Variants in MARVELD3 observed in about 807,000 individuals in gnomAD.
The protein encoded by MARVELD3 is MARVEL domain containing 3.
In MARVELD3, 28 loss-of-function variants were observed where a neutral mutation model predicts 33.5. The ratio of observed to expected loss-of-function variants is 0.84; its 90% CI spans 0.62 to 1.15. MARVELD3 has a LOEUF of 1.15. Among genes scored for constraint, MARVELD3 ranks in the 50% most tolerant of loss-of-function variants. The pLI, the probability that MARVELD3 is intolerant of heterozygous loss-of-function variation, is 0.00. For missense variants in MARVELD3, 582 were observed against 547.6 expected (o/e 1.06, Z -0.63); for synonymous variants, 241 against 230.4 (o/e 1.05, Z -0.42).
chr16:71,640,861 C>T (rs779139024), downstream of MARVELD3: 1 of 1,614,154 alleles, frequency 6.2e-7, no homozygotes. Context: ...CTGGCAGGCA[C>T]CGACGGAGCA....
Position 71,631,993 on chromosome 16 carries a change from T to A in MARVELD3, c.596-2200T>A, listed in dbSNP as rs150204396. Among the ~76,000 whole-genome samples the A allele has an allele frequency of 1.0e-3, 159 of 152,290 alleles. 1 individual carries two copies. Among genetic ancestry groups the A allele is most frequent in the Middle Eastern group, 3.4e-3 (1 of 294 alleles). ...TTGACAGGCCGACGTTGGCAGCATG[T>A]ACAATTTCCAGCTCAGCAGCACCCA... On this transcript the variant is annotated intron_variant, in intron 2 of 2. Transcript: ENST00000268485.
intron 1 of MARVELD3, among the ~76,000 whole-genome samples, chr16:71,628,445 G>C (rs1331729896): frequency 1.3e-5 from 2 of 152,062 alleles, no homozygotes; most frequent in African/African-American, 2.4e-5. Context: ...GCTGAGGTGG[G>C]AGGACTGCTT....
At chr16:71,640,337 C>A (rs2044607911), downstream of MARVELD3, 1 of 1,585,598 alleles carries the variant, frequency 6.3e-7, no homozygotes, top group Non-Finnish European at 8.6e-7. Context: ...ATGTCTCTGG[C>A]TTGGCCTGGG....
chr16:71,641,138 T>C (rs553658133), downstream of MARVELD3: 3 of 1,346,752 alleles, frequency 2.2e-6, no homozygotes, highest in Admixed American at 7.6e-5. Flanking sequence ...TTATAAATGC[T>C]CTCTTTGGAC....
At chr16:71,633,890 G>C (rs2044556314) in intron 2 of MARVELD3, among the ~76,000 whole-genome samples, 1 of 151,938 alleles carries the variant, frequency 6.6e-6, no homozygotes, top group Non-Finnish European at 1.5e-5. Flanking sequence ...TTCCATCCAG[G>C]ATGGCTTTGT....
In MARVELD3 at chr16:71,634,487, G is replaced by A. The variant is rs758043661; in HGVS notation, c.890G>A (p.Trp297Ter). 7 of 1,614,062 alleles carry A rather than the reference G, an allele frequency of 4.3e-6. No homozygotes were observed. Among genetic ancestry groups the A allele is most frequent in the Non-Finnish European group, 5.9e-6 (7 of 1,180,046 alleles). ...GCCATGGGTGTCCTGCGGGTCCCGT[G>A]GCATTGTCCACTGTTGCTGGTGACC... ...FVAMGVLRVP[W>*]HCPLLLVTEG... The change falls in exon 3 of 3, where the codon TGG becomes TAG. Residue 297 changes from tryptophan to a stop codon, truncating the protein, a stop_gained. Coordinates refer to ENST00000268485, the MANE Select transcript of MARVELD3 (RefSeq NM_052858.6). LOFTEE classifies it high-confidence loss of function.
downstream of MARVELD3, chr16:71,640,273 A>C: frequency 7.8e-7 from 1 of 1,285,042 alleles, no homozygotes; most frequent in Non-Finnish European, 1.1e-6. Flanking sequence ...TCAAAAAAAA[A>C]AAAAAAAGTT....
chr16:71,637,963 T>C (rs2044592504), downstream of MARVELD3: 1 of 152,164 alleles, frequency 6.6e-6, no homozygotes, highest in South Asian at 2.1e-4. Context: ...GGGTGAAGAT[T>C]GGCAGACTTA....
downstream of MARVELD3, chr16:71,638,768 T>C (rs1479177511): frequency 6.6e-6 from 1 of 152,172 alleles, no homozygotes; most frequent in East Asian, 1.9e-4. Flanking sequence ...CAGAGCTCAT[T>C]TAGGTTTCCC....
At position 71,635,076 on chromosome 16, in the gene MARVELD3, C is replaced by G. The variant is rs2044570638; in HGVS notation, c.*273C>G. The stretch of plus-strand genomic sequence containing the variant: ...GCCTCGGCGGCTCACACCTGTAACC[C>G]CAGCACTTTGGGAGGCTGAGGTGGG... On this transcript the variant is annotated 3_prime_UTR_variant, in exon 3 of 3. Transcript: ENST00000268485. 3.7e-6 allele frequency: 4 copies of G among 1,090,128 alleles called. No homozygotes were observed. In the African/African-American group the frequency reaches 4.9e-5, roughly 13 times the overall value. 67.5% of individuals were successfully genotyped at this position (1,090,128 alleles called of 1,614,324 possible).
Position 71,635,829 on chromosome 16 carries a change from T to G in MARVELD3, c.*1026T>G, listed in dbSNP as rs938457775. On this transcript the variant is annotated 3_prime_UTR_variant, in exon 3 of 3. Coordinates refer to ENST00000268485, the MANE Select transcript of MARVELD3 (RefSeq NM_052858.6). ...ATTGAAGTTGGAGGTAGGCGTGGGC[T>G]GAGGAAAGAGGAATCAGATTAATTC... 1.0e-6 allele frequency: 1 copy of G among 985,408 alleles called. No homozygotes were observed. Among genetic ancestry groups the G allele is most frequent in the East Asian group, 1.1e-4 (1 of 8,808 alleles). 61.0% of individuals were successfully genotyped at this position (985,408 alleles called of 1,614,324 possible).
downstream of MARVELD3, chr16:71,640,823 C>G: frequency 1.9e-6 from 3 of 1,614,234 alleles, no homozygotes; most frequent in South Asian, 1.1e-5. Flanking sequence ...TCTATGCCCG[C>G]AAGGGTCTCA....
intron 2 of MARVELD3, among the ~76,000 whole-genome samples, chr16:71,630,262 C>T (rs2044520144): frequency 6.6e-6 from 1 of 151,286 alleles, no homozygotes; most frequent in Admixed American, 6.6e-5. Context: ...GCAGAGATCA[C>T]GTCACTGCAC....
At chr16:71,641,373 A>G (rs2145291441), downstream of MARVELD3, 1 of 208,872 alleles carries the variant, frequency 4.8e-6, no homozygotes, top group South Asian at 8.6e-5. Flanking sequence ...AGATCACCTG[A>G]GGTCAGGTGT....
At chr16:71,632,934 C>T (rs1319109539) in intron 2 of MARVELD3, among the ~76,000 whole-genome samples, 1 of 152,034 alleles carries the variant, frequency 6.6e-6, no homozygotes, top group South Asian at 2.1e-4. Context: ...TTCTAATACA[C>T]GAACCACAGT....
Position 71,634,395 on chromosome 16 carries a change from G to C in MARVELD3, c.798G>C (p.Lys266Asn), listed in dbSNP as rs2145281110. 1 of 1,614,220 alleles carries C rather than the reference G, an allele frequency of 6.2e-7. No homozygotes were observed. The highest frequency in any genetic ancestry group is 8.5e-7 in the Non-Finnish European group (1 of 1,180,040). The change falls in exon 3 of 3, where the codon AAG (lysine) becomes AAC (asparagine). Residue 266 changes from lysine (K) to asparagine (N), a missense_variant. Transcript: ENST00000268485. ...QQLDVQFYQL[K>N]LPMVTVAMAC... is the part of the protein sequence containing the mutation. ...TGGATGTCCAGTTCTACCAGCTAAA[G>C]CTGCCCATGGTCACTGTGGCAATGG... is the stretch of plus-strand genomic sequence containing the variant.
chr16:71,641,683 AGGT>A (rs1171157147), exon 3 of MARVELD3: 1 of 152,126 alleles, frequency 6.6e-6, no homozygotes, highest in African/African-American at 2.4e-5. Context: ...TGGGAGGCAG[AGGT>A]TGCAGTGAGC....
At chr16:71,638,105 C>T (rs1320638744), downstream of MARVELD3, 1 of 152,158 alleles carries the variant, frequency 6.6e-6, no homozygotes, top group Non-Finnish European at 1.5e-5. Flanking sequence ...TCATGCTCAT[C>T]CCTGAACACC....
chr16:71,633,588 TA>T (rs2044552777), intron 2 of MARVELD3, among the ~76,000 whole-genome samples: 1 of 152,042 alleles, frequency 6.6e-6, no homozygotes, highest in Admixed American at 6.6e-5. Flanking sequence ...AAAGACAGGG[TA>T]CCACCATGTT....
Sources: allele counts gnomAD v4.1 joint callset (sites outside exome capture counted in the v4.1 genomes callset), GRCh38; gene constraint gnomAD v4.1.1; transcripts MANE v1.5; gene names NCBI Gene and HGNC (gene_info 2026-07-23, HGNC 2026-07-21).